The following SARDH variants were observed in gnomAD, a reference collection of about 807,000 sequenced individuals.
The protein encoded by SARDH is sarcosine dehydrogenase, mitochondrial.
SARDH carries 95 observed loss-of-function variants against 109.1 expected under a neutral mutation model. That is an observed-to-expected ratio of 0.87 (90% CI 0.74 to 1.03). SARDH has a LOEUF of 1.03. SARDH is among the 50% of genes least tolerant of loss of function. The pLI, the probability that SARDH is intolerant of heterozygous loss-of-function variation, is 0.00. For synonymous variants in SARDH, 572 were observed against 534.8 expected (o/e 1.07, Z -0.96); for missense variants, 1,267 against 1,287.8 (o/e 0.98, Z 0.25).
chr9:133,691,890 G>A (rs893008026), intron 15 of SARDH, among the ~76,000 whole-genome samples: 2 of 152,162 alleles, frequency 1.3e-5, no homozygotes, highest in Non-Finnish European at 2.9e-5. Context: ...GTGACTCACT[G>A]TGCTAACTCC....
intron 14 of SARDH, among the ~76,000 whole-genome samples, chr9:133,695,557 A>G (rs916546267): frequency 1.3e-5 from 2 of 152,226 alleles, no homozygotes; most frequent in Non-Finnish European, 2.9e-5. Context: ...CACCACCAGC[A>G]GCTGGAAGAG....
In SARDH at chr9:133,676,957, A is replaced by G. The variant is rs187231448; in HGVS notation, c.2164-5260T>C. Among the ~76,000 whole-genome samples the G allele has an allele frequency of 6.5e-3, 987 of 152,248 alleles. 13 individuals are homozygous for G. The highest frequency in any genetic ancestry group is 0.021 in the African/African-American group (892 of 41,544). On this transcript the variant is annotated intron_variant, in intron 17 of 20. Coordinates refer to ENST00000439388, the MANE Select transcript of SARDH (RefSeq NM_001134707.2). ...AGTTTGAGACCAGCCTGGCCAACAC[A>G]GCGAAACCCCATCTCTACTAAAAAT...
intron 8 of SARDH, among the ~76,000 whole-genome samples, chr9:133,716,548 C>T (rs898254495): frequency 6.6e-6 from 1 of 151,446 alleles, no homozygotes; most frequent in East Asian, 1.9e-4. Context: ...TTCCGGGCTC[C>T]CCAGGCCAGC....
intron 18 of SARDH, among the ~76,000 whole-genome samples, chr9:133,671,094 G>A (rs374112654): frequency 6.6e-6 from 1 of 152,272 alleles, no homozygotes; most frequent in South Asian, 2.1e-4. Flanking sequence ...AACACGCTGG[G>A]GAACCGCCCA....
At chr9:133,723,501 G>A (rs1284712186) in intron 6 of SARDH, among the ~76,000 whole-genome samples, 4 of 152,334 alleles carry the variant, frequency 2.6e-5, no homozygotes, top group South Asian at 2.1e-4. Flanking sequence ...GGTGGCTCAC[G>A]CCTGTAATCC....
chr9:133,723,285 C>T (rs986133343), intron 6 of SARDH, among the ~76,000 whole-genome samples: 1 of 152,170 alleles, frequency 6.6e-6, no homozygotes, highest in Non-Finnish European at 1.5e-5. Flanking sequence ...ATAGCTGACC[C>T]TAAAGTTCAT....
chr9:133,728,282 G>A lies in SARDH; in HGVS notation c.915+1483C>T, dbSNP rs192556111. Among the ~76,000 whole-genome samples the A allele has an allele frequency of 1.6e-3, 246 of 152,252 alleles. 1 individual carries two copies. Among genetic ancestry groups the A allele is most frequent in the Admixed American group, 5.8e-3 (89 of 15,300 alleles). On this transcript the variant is annotated intron_variant, in intron 6 of 20. Coordinates refer to ENST00000439388, the MANE Select transcript of SARDH (RefSeq NM_001134707.2). This position sits in a 1 kb window ranked among gnomAD's most constrained non-coding sequence, Gnocchi z 5.0. ...CACCCGCTTCACTACCCTGGTCTAC[G>A]AAGCAGCCAAGCCTGGTACCTCCCC...
At chr9:133,668,229 A>C (rs1005175466) in intron 19 of SARDH, among the ~76,000 whole-genome samples, 12 of 151,008 alleles carry the variant, frequency 7.9e-5, no homozygotes, top group Admixed American at 1.3e-4. Flanking sequence ...CCTGACAGGC[A>C]CCCAGGGAGA....
intron 1 of SARDH, among the ~76,000 whole-genome samples, chr9:133,734,953 A>G (rs543730429): frequency 1.3e-5 from 2 of 152,224 alleles, no homozygotes; most frequent in African/African-American, 4.8e-5. Flanking sequence ...GGGACCTGGG[A>G]GGCAGGAGTG....
intron 16 of SARDH, among the ~76,000 whole-genome samples, chr9:133,685,657 A>G (rs1830860085): frequency 6.6e-6 from 1 of 152,090 alleles, no homozygotes; most frequent in Non-Finnish European, 1.5e-5. Context: ...ACAATCCACA[A>G]TCCACATCCC....
chr9:133,702,915 C>T lies in SARDH; in HGVS notation c.1668+1G>A. 6.2e-7 allele frequency: 1 copy of T among 1,611,438 alleles called. No individual in the cohort carries two copies. Among genetic ancestry groups the T allele is most frequent in the Non-Finnish European group, 8.5e-7 (1 of 1,179,772 alleles). On this transcript the variant is annotated splice_donor_variant, in intron 13 of 20. Transcript: ENST00000439388. LOFTEE classifies it high-confidence loss of function. Reference sequence around the variant, plus strand: ...CCCCACGGTGGACCCCAGCTACGCACCGTGTCGTGGTGGGGCGGGAAGGCG... The same window carrying T: ...CCCCACGGTGGACCCCAGCTACGCATCGTGTCGTGGTGGGGCGGGAAGGCG...
rs565337916 is a variant in SARDH at position 133,702,652 on chromosome 9, C to T, written c.1668+264G>A. On this transcript the variant is annotated intron_variant, in intron 13 of 20. Transcript: ENST00000439388. Reference sequence around the variant, plus strand: ...CCACCGGGCCCCAGCCCGTTGCCTCCGCCCCCACCTCACCCCATCCCCAGC... The same window carrying T: ...CCACCGGGCCCCAGCCCGTTGCCTCTGCCCCCACCTCACCCCATCCCCAGC... Among the ~76,000 whole-genome samples, 585 of 152,344 alleles carry T rather than the reference C, an allele frequency of 3.8e-3. 7 individuals carry two copies. Among genetic ancestry groups the T allele is most frequent in the Middle Eastern group, 6.8e-3 (2 of 294 alleles).
At position 133,729,864 on chromosome 9, in the gene SARDH, T is replaced by C; in HGVS notation, c.816A>G (p.Gly272=). Residue 272 remains glycine (G), a splice_region_variant and synonymous_variant, in exon 6 of 21, where the codon GGA becomes GGG. Coordinates refer to ENST00000439388, the MANE Select transcript of SARDH (RefSeq NM_001134707.2). ...IQTPCVVNCA[G]VWASAVGRMA... is the part of the protein sequence containing the mutation. ...TCCGGCCCACAGCACTTGCCCACAC[T>C]CCTGCGGGCAGAGCACAGACAGCTC... The C allele has an allele frequency of 4.3e-6, 7 of 1,611,166 alleles. No homozygotes were observed. The African/African-American group carries it at 6.7e-5, about 15-fold the overall frequency.
intron 19 of SARDH, among the ~76,000 whole-genome samples, chr9:133,668,982 C>T (rs368200191): frequency 0.036 from 30 of 824 alleles, no homozygotes; most frequent in East Asian, 0.17. Flanking sequence ...CCCTCTCCCT[C>T]ACCCTCCATC....
chr9:133,698,454 T>C (rs959928352), intron 13 of SARDH, among the ~76,000 whole-genome samples: 2 of 152,180 alleles, frequency 1.3e-5, no homozygotes, highest in Non-Finnish European at 2.9e-5. Context: ...AAGGGGCCAA[T>C]AATACTCAAA....
chr9:133,660,787 C>T (rs1044429203), downstream of SARDH, among the ~76,000 whole-genome samples: 8 of 152,174 alleles, frequency 5.3e-5, no homozygotes, highest in African/African-American at 1.7e-4. Context: ...AGAAGTGGGG[C>T]GACCCCAGGC....
rs1244305561 is a variant in SARDH at position 133,666,757 on chromosome 9, A to T, written c.2609T>A (p.Ile870Asn). Residue 870 changes from isoleucine (I) to asparagine (N), a missense_variant, in exon 20 of 21, where the codon ATC becomes AAC. By Grantham distance (149) the Ile-to-Asn change is moderately radical. Coordinates refer to ENST00000439388, the MANE Select transcript of SARDH (RefSeq NM_001134707.2). The surrounding 1 kb of genome is among the most constrained non-coding windows in gnomAD (Gnocchi z 5.2). ...AIDKTIAYGY[I>N]HDPSGGPVSL... is the part of the protein sequence containing the mutation. ...CACCGGCCCACCGCTGGGGTCATGGATGTAACCGTAGGCGATGGTCTTGTC... is the reference window on the plus strand; with the variant it reads ...CACCGGCCCACCGCTGGGGTCATGGTTGTAACCGTAGGCGATGGTCTTGTC... The T allele has an allele frequency of 2.5e-6, 4 of 1,598,260 alleles. No homozygotes were observed. The highest frequency in any genetic ancestry group is 1.7e-5 in the Admixed American group (1 of 57,592).
intron 15 of SARDH, among the ~76,000 whole-genome samples, chr9:133,691,683 A>G (rs1168471328): frequency 1.3e-5 from 2 of 152,224 alleles, no homozygotes; most frequent in African/African-American, 4.8e-5. Context: ...TGTGTAAATC[A>G]TCACATTCTC....
At chr9:133,691,246 GC>G (rs904286646) in intron 15 of SARDH, among the ~76,000 whole-genome samples, 2 of 147,034 alleles carry the variant, frequency 1.4e-5, no homozygotes, top group African/African-American at 2.6e-5. Flanking sequence ...CTCCTGAGTG[GC>G]CCCCCCAGTC....
Sources: allele counts gnomAD v4.1 joint callset (sites outside exome capture counted in the v4.1 genomes callset), GRCh38; gene constraint gnomAD v4.1.1; non-coding constraint Gnocchi (gnomAD v3.1); transcripts MANE v1.5; gene names NCBI Gene and HGNC (gene_info 2026-07-23, HGNC 2026-07-21).